The following CACNB4 variants were observed in gnomAD, a reference collection of about 807,000 sequenced individuals.
CACNB4 encodes voltage-dependent L-type calcium channel subunit beta-4.
In CACNB4, 32 loss-of-function variants were observed where a neutral mutation model predicts 71.2. The observed-to-expected ratio is 0.45, with a 90% CI of 0.34 to 0.60. The LOEUF (loss-of-function observed/expected upper bound fraction) is 0.60, where lower values mean the gene tolerates loss of function less well. Among genes scored for constraint, CACNB4 ranks in the 20% least tolerant of loss-of-function variants. The probability of loss-of-function intolerance (pLI) is 0.01; values close to 1 mark genes in which losing one functional copy is unlikely to be tolerated. For synonymous variants in CACNB4, 231 were observed against 236.9 expected (o/e 0.97, Z 0.23); for missense variants, 464 against 647.9 (o/e 0.72, Z 3.08).
chr2:151,855,052 T>C (rs2099839931), intron 11 of CACNB4, 172 bp downstream of exon 11: 1 of 441,884 alleles, frequency 2.3e-6, no homozygotes, highest in East Asian at 3.1e-5. Flanking sequence ...TGAACTATTA[T>C]ATTCTTCACT....
intron 2 of CACNB4, among the ~76,000 whole-genome samples, chr2:151,985,564 C>G (rs1681309641): frequency 6.6e-6 from 1 of 152,066 alleles, no homozygotes. Context: ...TGTGAAGTAC[C>G]AACTCTCAGC....
intron 2 of CACNB4, among the ~76,000 whole-genome samples, chr2:151,980,364 T>C (rs1287706345): frequency 1.3e-5 from 2 of 152,162 alleles, no homozygotes; most frequent in African/African-American, 4.8e-5. Context: ...CAAGTTGGCC[T>C]TCTTGGACAC....
chr2:152,056,330 C>T (rs6745868), intron 2 of CACNB4, among the ~76,000 whole-genome samples: 7,494 of 149,884 alleles, frequency 0.05, 610 homozygotes, highest in African/African-American at 0.18. Flanking sequence ...CACTGCACTC[C>T]AGCCTGGGTG....
At chr2:151,940,140 T>C (rs954079641) in intron 2 of CACNB4, among the ~76,000 whole-genome samples, 3 of 152,224 alleles carry the variant, frequency 2.0e-5, no homozygotes, top group African/African-American at 4.8e-5. Flanking sequence ...TTAATAATAA[T>C]GGAATCAAGT....
chr2:152,086,729 T>C (rs1271002331), intron 2 of CACNB4, among the ~76,000 whole-genome samples: 1 of 152,234 alleles, frequency 6.6e-6, no homozygotes, highest in Non-Finnish European at 1.5e-5. Flanking sequence ...TACTTTTCTT[T>C]AATCCTGTCG....
intron 12 of CACNB4, among the ~76,000 whole-genome samples, chr2:151,845,103 T>C (rs2099837212): frequency 1.3e-5 from 2 of 152,226 alleles, no homozygotes; most frequent in Admixed American, 1.3e-4. Flanking sequence ...GCCGTTCTAC[T>C]TGTTACATTG....
chr2:151,887,722 C>A (rs748787934), intron 2 of CACNB4, among the ~76,000 whole-genome samples: 2 of 152,158 alleles, frequency 1.3e-5, no homozygotes, highest in African/African-American at 2.4e-5. Flanking sequence ...AGTTATTTAA[C>A]CTTCTGCATC....
chr2:152,000,224 T>C (rs1462280506), intron 2 of CACNB4, among the ~76,000 whole-genome samples: 1 of 152,184 alleles, frequency 6.6e-6, no homozygotes, highest in African/African-American at 2.4e-5. Flanking sequence ...CACACCTACA[T>C]GTCCAGACCT....
At chr2:152,068,425 T>C (rs975185890) in intron 2 of CACNB4, among the ~76,000 whole-genome samples, 3 of 152,212 alleles carry the variant, frequency 2.0e-5, no homozygotes, top group Admixed American at 1.3e-4. Context: ...CAGGGAAATA[T>C]AGTTCCTGCT....
intron 9 of CACNB4, among the ~76,000 whole-genome samples, chr2:151,862,355 A>G (rs2099841961): frequency 6.6e-6 from 1 of 152,246 alleles, no homozygotes; most frequent in African/African-American, 2.4e-5. Flanking sequence ...CAGTCTGTGC[A>G]AAAGTTCTGG....
chr2:151,898,359 C>T (rs556432222), intron 2 of CACNB4, among the ~76,000 whole-genome samples: 71 of 152,290 alleles, frequency 4.7e-4, no homozygotes, highest in African/African-American at 1.6e-3. Context: ...GGGCTAGGGA[C>T]GGTCACCCAT....
chr2:152,042,448 A>T (rs914276828), intron 2 of CACNB4, among the ~76,000 whole-genome samples: 2 of 152,112 alleles, frequency 1.3e-5, no homozygotes, highest in African/African-American at 4.8e-5. Flanking sequence ...GCCTCTGAGG[A>T]TCCCTGAGTG....
intron 2 of CACNB4, among the ~76,000 whole-genome samples, chr2:151,923,143 G>A (rs560924743): frequency 6.6e-6 from 1 of 152,314 alleles, no homozygotes; most frequent in African/African-American, 2.4e-5. Context: ...ATTATTTTAA[G>A]AAATAATAAC....
chr2:152,071,089 T>C (rs562676448), intron 2 of CACNB4, among the ~76,000 whole-genome samples: 6 of 152,244 alleles, frequency 3.9e-5, no homozygotes, highest in Non-Finnish European at 7.3e-5. Context: ...ACATGCTTAA[T>C]CACAGTTGCT....
In CACNB4 at chr2:151,887,557, A is replaced by C. The variant is rs139866427; in HGVS notation, c.148-4187T>G. Among the ~76,000 whole-genome samples the C allele has an allele frequency of 1.4e-4, 22 of 152,302 alleles. No individual in the cohort carries two copies. In the East Asian group the frequency reaches 3.7e-3, roughly 25 times the overall value. ...CAGCTAGCTGCTGTCTTCTGAGAGA[A>C]GGAAGGTGATCTCAAGTGAAACAAT... On this transcript the variant is annotated intron_variant, in intron 2 of 13. Coordinates refer to ENST00000539935, the MANE Select transcript of CACNB4 (RefSeq NM_000726.5).
At chr2:151,999,383 T>TC (rs1682267960) in intron 2 of CACNB4, among the ~76,000 whole-genome samples, 2 of 151,518 alleles carry the variant, frequency 1.3e-5, no homozygotes, top group Non-Finnish European at 2.9e-5. Context: ...ATGGTTTTTT[T>TC]TTTTTCTTCT....
intron 2 of CACNB4, among the ~76,000 whole-genome samples, chr2:151,954,166 T>C (rs1025452482): frequency 1.3e-5 from 2 of 152,210 alleles, no homozygotes; most frequent in African/African-American, 4.8e-5. Flanking sequence ...TTCACTATAA[T>C]GTACACTCTG....
At chr2:151,998,529 A>G (rs1682205990) in intron 2 of CACNB4, among the ~76,000 whole-genome samples, 2 of 152,150 alleles carry the variant, frequency 1.3e-5, no homozygotes, top group South Asian at 4.1e-4. Context: ...AAATGAAACC[A>G]TAAGTGCCAT....
chr2:152,090,643 CAA>C (rs1181681645), intron 2 of CACNB4, among the ~76,000 whole-genome samples: 4 of 104,160 alleles, frequency 3.8e-5, no homozygotes. Flanking sequence ...AACTCCATCT[CAA>C]AAAAAAAAAA....
Sources: gnomAD v4.1 joint callset for allele counts (sites outside exome capture counted in the v4.1 genomes callset) on GRCh38, gnomAD v4.1.1 for gene constraint, MANE v1.5 for transcripts, NCBI Gene and HGNC (gene_info 2026-07-23, HGNC 2026-07-21) for gene names.